Variants in AGAP1 observed in about 807,000 individuals in gnomAD.
AGAP1 encodes ArfGAP with GTPase domain, ankyrin repeat and PH domain 1.
Under a neutral mutation model 105.3 loss-of-function variants are expected in AGAP1, and 29 were observed. The ratio of observed to expected loss-of-function variants is 0.28; its 90% confidence interval spans 0.21 to 0.38. The LOEUF (loss-of-function observed/expected upper bound fraction) is 0.38, where lower values mean the gene tolerates loss of function less well. Ranked by LOEUF, AGAP1 falls within the 10% of genes least tolerant of loss-of-function variation. AGAP1 has a pLI of 1.00. For synonymous variants in AGAP1, 509 were observed against 485.9 expected (o/e 1.05, Z -0.63); for missense variants, 998 against 1,165.1 (o/e 0.86, Z 2.09).
At chr2:235,847,679 C>T (rs558961072) in intron 9 of AGAP1, among the ~76,000 whole-genome samples, 1 of 152,338 alleles carries the variant, frequency 6.6e-6, no homozygotes, top group East Asian at 1.9e-4. Flanking sequence ...TATTTCAGTA[C>T]CGTCTGTAGA....
At chr2:235,696,325 C>T (rs1196957008) in intron 1 of AGAP1, among the ~76,000 whole-genome samples, 2 of 152,236 alleles carry the variant, frequency 1.3e-5, no homozygotes, top group East Asian at 1.9e-4. Flanking sequence ...GGATTACAGG[C>T]GTGAGCCACG....
intron 9 of AGAP1, among the ~76,000 whole-genome samples, chr2:235,862,101 G>A (rs2048950049): frequency 6.6e-6 from 1 of 152,086 alleles, no homozygotes; most frequent in Non-Finnish European, 1.5e-5. Flanking sequence ...GGAAACTGCA[G>A]GAGTGCATTA....
chr2:235,913,306 A>G (rs1559639866), intron 11 of AGAP1, among the ~76,000 whole-genome samples: 3 of 152,116 alleles, frequency 2.0e-5, no homozygotes, highest in East Asian at 1.9e-4. Context: ...ATCTGTGTGT[A>G]TGTGTGTGTA....
At chr2:236,070,122 C>T (rs947818300) in intron 16 of AGAP1, among the ~76,000 whole-genome samples, 3 of 152,248 alleles carry the variant, frequency 2.0e-5, no homozygotes, top group Non-Finnish European at 4.4e-5. Flanking sequence ...GGGTGTGACC[C>T]CCACATTGCT....
rs1052851059 is a variant in AGAP1, at chr2:235,719,593, A to C, written c.310+1949A>C. 6.6e-6 allele frequency among the ~76,000 whole-genome samples: 1 copy of C among 152,254 alleles called. No individual in the cohort carries two copies. Among genetic ancestry groups the C allele is most frequent in the Non-Finnish European group, 1.5e-5 (1 of 68,046 alleles). On this transcript the variant is annotated intron_variant, in intron 3 of 17. Coordinates refer to ENST00000304032, the MANE Select transcript of AGAP1 (RefSeq NM_001037131.3). The surrounding 1 kb of genome is among the most constrained non-coding windows in gnomAD (Gnocchi z 4.9). ...TATTGTGTATGGTTTTTAAAAATACATTATTTTTAAGAGTAGGAGCGTGGG... is the reference window on the plus strand; with the variant it reads ...TATTGTGTATGGTTTTTAAAAATACCTTATTTTTAAGAGTAGGAGCGTGGG...
chr2:235,731,851 A>T (rs1410264608), intron 3 of AGAP1, among the ~76,000 whole-genome samples: 2 of 152,098 alleles, frequency 1.3e-5, no homozygotes, highest in African/African-American at 2.4e-5. Context: ...GGCTCTAAGG[A>T]ACAAAAAGGA....
intron 1 of AGAP1, among the ~76,000 whole-genome samples, chr2:235,636,115 G>GTAAATAAATACATAAA (rs1946991041): frequency 6.9e-6 from 1 of 143,984 alleles, no homozygotes; most frequent in African/African-American, 2.6e-5. Context: ...CTCTGTCTCA[G>GTAAATAAATACATAAA]TAAATAAATA....
intron 3 of AGAP1, among the ~76,000 whole-genome samples, chr2:235,726,196 C>T (rs1040983639): frequency 2.6e-5 from 4 of 152,154 alleles, no homozygotes; most frequent in East Asian, 1.9e-4. Context: ...GACTTACACC[C>T]GGTCTGGGAG....
intron 9 of AGAP1, among the ~76,000 whole-genome samples, chr2:235,880,535 A>C (rs2049966115): frequency 6.6e-6 from 1 of 151,586 alleles, no homozygotes; most frequent in African/African-American, 2.4e-5. Context: ...GTTCAAGACC[A>C]GCCTGGCTAA....
intron 13 of AGAP1, among the ~76,000 whole-genome samples, chr2:235,975,399 C>T (rs2054819122): frequency 1.3e-5 from 2 of 152,026 alleles, no homozygotes; most frequent in Admixed American, 1.3e-4. Flanking sequence ...CTCAGTTAAT[C>T]TGTAACCATC....
At position 235,935,844 on chromosome 2, in the gene AGAP1, G is replaced by T. The variant is rs920635871; in HGVS notation, c.1483+4921G>T. On this transcript the variant is annotated intron_variant, in intron 12 of 17. Transcript: ENST00000304032. ...ACTGTGGGTAGCAGGGGCCCTGGGG[G>T]GTCGTATGTGGCATACTTGGCCGTC... Among the ~76,000 whole-genome samples, 12 of 152,158 alleles carry T rather than the reference G, an allele frequency of 7.9e-5. 1 individual carries two copies. Among genetic ancestry groups the T allele is most frequent in the Admixed American group, 2.6e-4 (4 of 15,284 alleles).
intron 14 of AGAP1, chr2:236,037,187 A>C (rs2057408133): frequency 6.3e-6 from 1 of 157,702 alleles, no homozygotes; most frequent in Admixed American, 6.0e-5. Context: ...GAGTTTGGGA[A>C]GATAAAGTTT....
Position 235,633,420 on chromosome 2 carries a change from C to T in AGAP1, c.164-75759C>T, listed in dbSNP as rs913214061. Among the ~76,000 whole-genome samples, 1 of 152,012 alleles carries T rather than the reference C, an allele frequency of 6.6e-6. No homozygotes were observed. Among genetic ancestry groups the T allele is most frequent in the African/African-American group, 2.4e-5 (1 of 41,402 alleles). ...ACCAGTCTGGTCAACATGGTGAAACCCCATCTCTACTAAAAATACAAAAAT... is the reference window on the plus strand; with the variant it reads ...ACCAGTCTGGTCAACATGGTGAAACTCCATCTCTACTAAAAATACAAAAAT... On this transcript the variant is annotated intron_variant, in intron 1 of 17. Coordinates refer to ENST00000304032, the MANE Select transcript of AGAP1 (RefSeq NM_001037131.3). This position sits in a 1 kb window ranked among gnomAD's most constrained non-coding sequence, Gnocchi z 4.8.
At chr2:236,049,482 A>T in intron 16 of AGAP1, 2 of 515,404 alleles carry the variant, frequency 3.9e-6, no homozygotes, top group East Asian at 6.2e-5. Context: ...TTAATTTTTT[A>T]TGTTTGTTTT....
chr2:236,052,272 C>G (rs913526549), intron 16 of AGAP1, among the ~76,000 whole-genome samples: 22 of 152,216 alleles, frequency 1.4e-4, no homozygotes, highest in Non-Finnish European at 2.1e-4. Flanking sequence ...AAGATTCATT[C>G]TGACAGTGGA....
intron 1 of AGAP1, among the ~76,000 whole-genome samples, chr2:235,561,674 G>A (rs558141558): frequency 2.0e-5 from 3 of 152,194 alleles, no homozygotes; most frequent in Non-Finnish European, 4.4e-5. Context: ...AGCTAATTCA[G>A]TATTTGGAAA....
intron 1 of AGAP1, among the ~76,000 whole-genome samples, chr2:235,533,012 A>T (rs989827469): frequency 6.6e-5 from 10 of 152,186 alleles, no homozygotes; most frequent in African/African-American, 2.4e-4. Flanking sequence ...AAAATCAATC[A>T]ATCAATATCA....
chr2:235,761,435 A>G (rs535655236), intron 6 of AGAP1, among the ~76,000 whole-genome samples: 8 of 152,212 alleles, frequency 5.3e-5, no homozygotes, highest in Non-Finnish European at 8.8e-5. Context: ...TTTTGCTCAT[A>G]GAATTAATTT....
chr2:235,634,672 G>A (rs775999052), intron 1 of AGAP1, among the ~76,000 whole-genome samples: 1 of 152,180 alleles, frequency 6.6e-6, no homozygotes, highest in Non-Finnish European at 1.5e-5. Flanking sequence ...CCATTTTAGA[G>A]AGGCTTGTGT....
Sources: allele counts gnomAD v4.1 joint callset (sites outside exome capture counted in the v4.1 genomes callset), GRCh38; gene constraint gnomAD v4.1.1; non-coding constraint Gnocchi (gnomAD v3.1); transcripts MANE v1.5; gene names NCBI Gene and HGNC (gene_info 2026-07-23, HGNC 2026-07-21).